The following RANBP2 variants were observed in gnomAD, a reference collection of about 807,000 sequenced individuals.
RANBP2 encodes RAN binding protein 2.
In RANBP2, 57 loss-of-function variants were observed where a neutral mutation model predicts 303.6. That is an observed-to-expected ratio of 0.19 (90% CI 0.15 to 0.23). The LOEUF is 0.23. RANBP2 is among the 10% of genes least tolerant of loss of function. The pLI is 1.00. For synonymous variants in RANBP2, 1,167 were observed against 1,301.5 expected (o/e 0.90, Z 2.23); for missense variants, 3,138 against 3,780.8 (o/e 0.83, Z 4.46).
the RANBP2 span, among the ~76,000 whole-genome samples, chr2:109,072,378 C>T: frequency 2.0e-5 from 3 of 152,168 alleles, no homozygotes; most frequent in Admixed American, 2.0e-4. Context: ...ACTCACTCTC[C>T]AGGCTTTCCT....
chr2:109,642,445 G>A, the RANBP2 span, among the ~76,000 whole-genome samples: 2 of 152,160 alleles, frequency 1.3e-5, no homozygotes, highest in South Asian at 2.1e-4. Flanking sequence ...AAAGTCATGT[G>A]CACATAGAAA....
At chr2:109,149,823 CCA>C in the RANBP2 span, among the ~76,000 whole-genome samples, 1 of 152,216 alleles carries the variant, frequency 6.6e-6, no homozygotes, top group Non-Finnish European at 1.5e-5. Context: ...TTTTTGTACT[CCA>C]GTTGGACTTA....
At chr2:109,169,718 A>G in the RANBP2 span, among the ~76,000 whole-genome samples, 25 of 150,904 alleles carry the variant, frequency 1.7e-4, no homozygotes, top group Non-Finnish European at 3.4e-4. Context: ...ATATATCTAT[A>G]TATATAACCA....
At chr2:109,714,738 A>C in the RANBP2 span, among the ~76,000 whole-genome samples, 1 of 148,922 alleles carries the variant, frequency 6.7e-6, no homozygotes, top group South Asian at 2.1e-4. Context: ...TCCTTTGAGT[A>C]GTTGGAGTTA....
the RANBP2 span, among the ~76,000 whole-genome samples, chr2:109,311,562 T>C: frequency 6.6e-6 from 1 of 152,158 alleles, no homozygotes; most frequent in African/African-American, 2.4e-5. Context: ...TGTCCCTGTT[T>C]GCAGACGACA....
At chr2:109,138,138 C>T in the RANBP2 span, among the ~76,000 whole-genome samples, 1 of 152,230 alleles carries the variant, frequency 6.6e-6, no homozygotes, top group Non-Finnish European at 1.5e-5. Flanking sequence ...GCCTCAGCCT[C>T]CCAAGTGGCT....
the RANBP2 span, among the ~76,000 whole-genome samples, chr2:109,139,594 G>C: frequency 6.6e-6 from 1 of 152,156 alleles, no homozygotes; most frequent in Non-Finnish European, 1.5e-5. Context: ...TATGGAATTG[G>C]GAGTGTATCT....
the RANBP2 span, among the ~76,000 whole-genome samples, chr2:108,832,344 CTTTTTT>C: frequency 2.5e-5 from 3 of 122,218 alleles, no homozygotes; most frequent in Non-Finnish European, 5.1e-5. Context: ...GTATTTCTTT[CTTTTTT>C]TTTTTTTTTT....
At chr2:109,489,372 T>TG in the RANBP2 span, among the ~76,000 whole-genome samples, 2 of 152,222 alleles carry the variant, frequency 1.3e-5, no homozygotes, top group Non-Finnish European at 2.9e-5. Flanking sequence ...GCATGTGGCC[T>TG]GGGGGGACTT....
chr2:109,396,045 T>C, the RANBP2 span, among the ~76,000 whole-genome samples: 6 of 152,068 alleles, frequency 3.9e-5, no homozygotes, highest in Non-Finnish European at 4.4e-5. Flanking sequence ...GCGTGGCAGG[T>C]GTGTTTAGAA....
chr2:109,710,757 G>A, the RANBP2 span, among the ~76,000 whole-genome samples: 1 of 152,156 alleles, frequency 6.6e-6, no homozygotes, highest in East Asian at 1.9e-4. Context: ...TGGGAAGCAG[G>A]GAGTGAGGGA....
chr2:109,277,688 T>C, the RANBP2 span, among the ~76,000 whole-genome samples: 1 of 152,168 alleles, frequency 6.6e-6, no homozygotes, highest in African/African-American at 2.4e-5. Flanking sequence ...GTGCCTCCCA[T>C]TCATGAGGAG....
the RANBP2 span, among the ~76,000 whole-genome samples, chr2:109,165,451 T>C: frequency 6.6e-6 from 1 of 152,068 alleles, no homozygotes; most frequent in African/African-American, 2.4e-5. Context: ...AAGTTAAGTT[T>C]GGATGGAAGG....
the RANBP2 span, among the ~76,000 whole-genome samples, chr2:109,287,865 T>C: frequency 6.6e-6 from 1 of 152,240 alleles, no homozygotes; most frequent in Non-Finnish European, 1.5e-5. Context: ...CATAGTCCTA[T>C]AGTTTTTCTT....
At chr2:109,567,985 A>T in the RANBP2 span, 1 of 1,560,928 alleles carries the variant, frequency 6.4e-7, no homozygotes. Context: ...ACCTATTAAG[A>T]ATAAAGAAAA....
the RANBP2 span, among the ~76,000 whole-genome samples, chr2:109,717,922 A>G: frequency 6.6e-6 from 1 of 152,380 alleles, no homozygotes; most frequent in South Asian, 2.1e-4. Context: ...TCAAGAAAAC[A>G]AAAACAAAAA....
chr2:109,289,890 A>T, the RANBP2 span, among the ~76,000 whole-genome samples: 8 of 152,048 alleles, frequency 5.3e-5, no homozygotes, highest in Non-Finnish European at 1.0e-4. Flanking sequence ...GAACCAGAGG[A>T]TTGCTGAGGT....
At chr2:108,846,750 A>T in the RANBP2 span, 1 of 1,608,866 alleles carries the variant, frequency 6.2e-7, no homozygotes, top group Non-Finnish European at 8.5e-7. Context: ...CTCGACTATG[A>T]CATCAACATT....
the RANBP2 span, chr2:108,885,182 T>C: frequency 3.9e-5 from 6 of 152,252 alleles, no homozygotes; most frequent in Admixed American, 3.9e-4. Flanking sequence ...TGCTGGACTT[T>C]GGTTTTTCAT....
Sources: allele counts gnomAD v4.1 joint callset (sites outside exome capture counted in the v4.1 genomes callset), GRCh38; gene constraint gnomAD v4.1.1; transcripts MANE v1.5; gene names NCBI Gene and HGNC (gene_info 2026-07-23, HGNC 2026-07-21).